SVEP1: variants seen among roughly 807,000 people sequenced by gnomAD.
SVEP1 encodes sushi, von Willebrand factor type A, EGF and pentraxin domain containing 1.
A neutral mutation model predicts 367.3 loss-of-function variants in SVEP1; 164 were observed. The ratio of observed to expected loss-of-function variants is 0.45; its 90% confidence interval spans 0.39 to 0.51. SVEP1 has a LOEUF of 0.51. Among genes scored for constraint, SVEP1 ranks in the 20% least tolerant of loss-of-function variants. The probability of loss-of-function intolerance (pLI) is 0.00; values close to 1 mark genes in which losing one functional copy is unlikely to be tolerated. For synonymous variants in SVEP1, 1,666 were observed against 1,611.6 expected (o/e 1.03, Z -0.81); for missense variants, 4,117 against 4,425.3 (o/e 0.93, Z 1.98).
intron 47 of SVEP1, among the ~76,000 whole-genome samples, chr9:110,367,010 T>C (rs532021901): frequency 3.3e-5 from 5 of 152,196 alleles, no homozygotes; most frequent in Non-Finnish European, 5.9e-5. Context: ...GCCAGGTCAG[T>C]CTTATTTATC....
At chr9:110,429,425 T>G (rs1279592751) in intron 34 of SVEP1, 91 bp from the exon 35 acceptor site, 47 of 947,872 alleles carry the variant, frequency 5.0e-5, no homozygotes, top group Middle Eastern at 2.3e-4. Flanking sequence ...TATTAAGAAT[T>G]TATACATATT....
At chr9:110,554,170 T>C (rs1040356283) in intron 1 of SVEP1, among the ~76,000 whole-genome samples, 3 of 148,938 alleles carry the variant, frequency 2.0e-5, no homozygotes, top group Non-Finnish European at 1.5e-5. Context: ...TATAGCTTTA[T>C]ACTATTTTTT....
intron 3 of SVEP1, among the ~76,000 whole-genome samples, 167 bp downstream of exon 3, chr9:110,545,948 G>A (rs529759822): frequency 5.3e-4 from 80 of 152,272 alleles, no homozygotes; most frequent in African/African-American, 1.7e-3. Flanking sequence ...TCAACTCACC[G>A]CTGATGGCAA....
chr9:110,464,739 CTA>C (rs1261673346), intron 18 of SVEP1, among the ~76,000 whole-genome samples: 2 of 152,128 alleles, frequency 1.3e-5, no homozygotes, highest in Non-Finnish European at 2.9e-5. Context: ...TTAAATAAAA[CTA>C]TAGAGGTAGG....
At chr9:110,482,578 G>A (rs893392660) in intron 10 of SVEP1, 86 bp from the exon 11 acceptor site, 4 of 1,466,280 alleles carry the variant, frequency 2.7e-6, no homozygotes, top group African/African-American at 2.8e-5. Context: ...CCAGGCTGGA[G>A]TGCAATGGCA....
At chr9:110,483,743 G>T (rs375901043) in intron 9 of SVEP1, 50 bp from the exon 10 acceptor site, 3 of 1,390,772 alleles carry the variant, frequency 2.2e-6, no homozygotes, top group South Asian at 1.5e-5. Context: ...ATTCACAAAC[G>T]ATGAGGAGGT....
At position 110,408,931 on chromosome 9, in the gene SVEP1, A is replaced by G; in HGVS notation, c.6669T>C (p.Phe2223=). The change falls in exon 38 of 48, where the codon TTT becomes TTC. Residue 2223 remains phenylalanine, a synonymous_variant. Transcript: ENST00000374469. ...TACACTGATACCTCACTTCACTCTC[A>G]AAGATCCTGCCAGTTGTATGCTGTG... ...GFLEHTTGRI[F]ESEVRYQCNP... 6.3e-7 allele frequency: 1 copy of G among 1,590,764 alleles called. No homozygotes were observed.
intron 42 of SVEP1, among the ~76,000 whole-genome samples, chr9:110,386,670 G>A (rs926930136): frequency 7.9e-5 from 12 of 152,176 alleles, no homozygotes. Context: ...AATGATGATG[G>A]CATTATGCGT....
At chr9:110,426,581 C>A (rs1240675505) in intron 36 of SVEP1, among the ~76,000 whole-genome samples, 1 of 152,140 alleles carries the variant, frequency 6.6e-6, no homozygotes, top group African/African-American at 2.4e-5. Flanking sequence ...TGAAGAACAA[C>A]TGTAGTAAAT....
chr9:110,541,042 C>T (rs949050166), intron 3 of SVEP1, among the ~76,000 whole-genome samples: 1 of 152,074 alleles, frequency 6.6e-6, no homozygotes, highest in Non-Finnish European at 1.5e-5. Flanking sequence ...TGTGAGATAG[C>T]CTTGGCCTGG....
Position 110,429,338 on chromosome 9 carries a change from A to T in SVEP1, c.5616-4T>A, listed in dbSNP as rs1371031154. ...CAGAGTATATCCTTTATTACACCTAAAGAAGATAGAGGAAAATTACAGGAT... is the reference window on the plus strand; with the variant it reads ...CAGAGTATATCCTTTATTACACCTATAGAAGATAGAGGAAAATTACAGGAT... On this transcript the variant is annotated splice_polypyrimidine_tract_variant and splice_region_variant and intron_variant, in intron 34 of 47. Transcript: ENST00000374469. 1 of 1,514,780 alleles carries T rather than the reference A, an allele frequency of 6.6e-7. No homozygotes were observed. The highest frequency in any genetic ancestry group is 1.4e-5 in the African/African-American group (1 of 71,740). 93.8% of individuals were successfully genotyped at this position (1,514,780 alleles called of 1,614,324 possible). A position where few individuals can be genotyped will look rare whatever the true frequency, so the allele number is the denominator to read the frequency against.
At chr9:110,452,032 A>G (rs1828702430) in intron 22 of SVEP1, among the ~76,000 whole-genome samples, 1 of 152,238 alleles carries the variant, frequency 6.6e-6, no homozygotes. Context: ...AGACGTACAA[A>G]GACTCGTTGG....
intron 27 of SVEP1, among the ~76,000 whole-genome samples, chr9:110,437,363 C>A (rs1327716138): frequency 6.6e-6 from 1 of 152,158 alleles, no homozygotes; most frequent in Non-Finnish European, 1.5e-5. Flanking sequence ...CCCTTACAAC[C>A]ATCTGTTGTT....
At chr9:110,450,387 A>C in intron 23 of SVEP1, 127 bp from the exon 24 acceptor site, 2 of 945,052 alleles carry the variant, frequency 2.1e-6, no homozygotes, top group Non-Finnish European at 3.1e-6. Flanking sequence ...GAGCCCATCA[A>C]ACTGGTTTGA....
At position 110,502,200 on chromosome 9, in the gene SVEP1, T is replaced by C. The variant is rs186391069; in HGVS notation, c.1483+838A>G. Among the ~76,000 whole-genome samples the C allele has an allele frequency of 2.6e-3, 392 of 151,734 alleles. 1 individual carries two copies. Among genetic ancestry groups the C allele is most frequent in the South Asian group, 4.2e-3 (20 of 4,786 alleles). ...TCACTGAAACCTCTGCCTCCTGGGTTCAAGAGATTCTCCTGTCTCAGCCTC... is the reference window on the plus strand; with the variant it reads ...TCACTGAAACCTCTGCCTCCTGGGTCCAAGAGATTCTCCTGTCTCAGCCTC... On this transcript the variant is annotated intron_variant, in intron 6 of 47. Transcript: ENST00000374469.
chr9:110,526,718 A>G (rs1829943950), intron 3 of SVEP1, among the ~76,000 whole-genome samples: 2 of 152,148 alleles, frequency 1.3e-5, no homozygotes, highest in South Asian at 4.1e-4. Flanking sequence ...TCACATTAAA[A>G]CCTATACACA....
At chr9:110,413,212 T>TA (rs1294705365) in intron 36 of SVEP1, among the ~76,000 whole-genome samples, 1 of 141,166 alleles carries the variant, frequency 7.1e-6, no homozygotes, top group Non-Finnish European at 1.5e-5. Flanking sequence ...TATGCAGCCA[T>TA]AAAAAATGAT....
At position 110,366,256 on chromosome 9, in the gene SVEP1, TAGAC is replaced by T. The variant is rs1268015694; in HGVS notation, c.*279_*282del. ...AAATGTGTACCAGGAACTTTCCCAATAGACAGCAGAATATGTACATTTTGTGAGG... is the reference window on the plus strand; with the variant it reads ...AAATGTGTACCAGGAACTTTCCCAATAGCAGAATATGTACATTTTGTGAGG... On this transcript the variant is annotated 3_prime_UTR_variant, in exon 48 of 48. Coordinates refer to ENST00000374469, the MANE Select transcript of SVEP1 (RefSeq NM_153366.4). 3.0e-6 allele frequency: 1 copy of T among 334,412 alleles called. No individual in the cohort carries two copies. The highest frequency in any genetic ancestry group is 4.6e-5 in the East Asian group (1 of 21,594). 20.7% of individuals were successfully genotyped at this position (334,412 alleles called of 1,614,324 possible). A position where few individuals can be genotyped will look rare whatever the true frequency, so the allele number is the denominator to read the frequency against.
At chr9:110,393,899 C>T (rs576463488) in intron 40 of SVEP1, among the ~76,000 whole-genome samples, 71 of 152,310 alleles carry the variant, frequency 4.7e-4, no homozygotes, top group African/African-American at 1.6e-3. Flanking sequence ...CTCAAGGAGG[C>T]ATGCCTGCCT....
Sources: allele counts gnomAD v4.1 joint callset (sites outside exome capture counted in the v4.1 genomes callset), GRCh38; gene constraint gnomAD v4.1.1; transcripts MANE v1.5; gene names NCBI Gene and HGNC (gene_info 2026-07-23, HGNC 2026-07-21).